STK16: variants seen among roughly 807,000 people sequenced by gnomAD.
The protein encoded by STK16 is serine/threonine kinase 16, also known as serine/threonine-protein kinase 16.
A neutral mutation model predicts 37.8 loss-of-function variants in STK16; 28 were observed. The ratio of observed to expected loss-of-function variants is 0.74; its 90% CI spans 0.55 to 1.02. The LOEUF is 1.02. STK16 is among the 50% of genes least tolerant of loss of function. STK16 has a pLI of 0.00. For missense variants in STK16, 349 were observed against 390.6 expected (o/e 0.89, Z 0.90); for synonymous variants, 134 against 155.0 (o/e 0.86, Z 1.01).
Position 219,247,265 on chromosome 2 carries a change from T to C in STK16, c.440+19T>C, listed in dbSNP as rs1951557066. On this transcript the variant is annotated intron_variant, in intron 4 of 7. Transcript: ENST00000396738. ...CCCACAGGTCAGTGGGAGGACCCTG[T>C]GTGCTTGCTGGGGCCCAGAGGAAGA... is the stretch of plus-strand genomic sequence containing the variant. 1 of 1,613,588 alleles carries C rather than the reference T, an allele frequency of 6.2e-7. No homozygotes were observed. Among genetic ancestry groups the C allele is most frequent in the Non-Finnish European group, 8.5e-7 (1 of 1,179,574 alleles).
chr2:219,247,104 G>A lies in STK16; in HGVS notation c.307-9G>A, dbSNP rs1951551781. ...AACATCTCCAACTGTAGGGAAACTT[G>A]TGTTGCAGAGAGGTACGCTGTGGAA... is the stretch of plus-strand genomic sequence containing the variant. On this transcript the variant is annotated splice_polypyrimidine_tract_variant and intron_variant, in intron 3 of 7. Coordinates refer to ENST00000396738, the MANE Select transcript of STK16 (RefSeq NM_001330213.2). The A allele has an allele frequency of 6.2e-7, 1 of 1,614,200 alleles. No homozygotes were observed. The highest frequency in any genetic ancestry group is 8.5e-7 in the Non-Finnish European group (1 of 1,180,030).
rs1395664336 is a variant in STK16, at chr2:219,246,643, C to T, written c.87-14C>T. ...AGATGACCATGGCCCTTTATTGACC[C>T]CTTTGGCCCACAGTGGGTTCAGCTA... is the stretch of plus-strand genomic sequence containing the variant. On this transcript the variant is annotated splice_polypyrimidine_tract_variant and intron_variant, in intron 2 of 7. Transcript: ENST00000396738. This position sits in a 1 kb window ranked among gnomAD's most constrained non-coding sequence, Gnocchi z 4.5. 2 of 1,610,844 alleles carry T rather than the reference C, an allele frequency of 1.2e-6. No individual in the cohort carries two copies. Among genetic ancestry groups the T allele is most frequent in the Non-Finnish European group, 1.7e-6 (2 of 1,177,190 alleles).
In STK16 at chr2:219,249,990, T is replaced by C. The variant is rs1951617771; in HGVS notation, c.*1431T>C. 4.9e-6 allele frequency: 1 copy of C among 205,152 alleles called. No homozygotes were observed. Among genetic ancestry groups the C allele is most frequent in the Admixed American group, 5.2e-5 (1 of 19,096 alleles). The allele number at this position is 205,152 out of a possible 1,614,324, so 12.7% of individuals were successfully genotyped here. ...CAGCAGGAAGAACAGGGTAGCAGTC[T>C]AACTTTCAAAGACAGAAACCACTGG... is the stretch of plus-strand genomic sequence containing the variant. On this transcript the variant is annotated 3_prime_UTR_variant, in exon 8 of 8. Transcript: ENST00000396738.
At chr2:219,247,027 G>A (rs1267216571) in intron 3 of STK16, 86 bp from the exon 4 acceptor site, 8 of 1,585,098 alleles carry the variant, frequency 5.0e-6, no homozygotes, top group Non-Finnish European at 6.9e-6. Context: ...TGAAAGGGCT[G>A]ATAGGCTTTG....
At position 219,247,519 on chromosome 2, in the gene STK16, A is replaced by G. The variant is rs1439417799; in HGVS notation, c.545A>G (p.Gln182Arg). ...QACIHVEGSR[Q>R]ALTLQDWAAQ... ...TGCATCCATGTGGAGGGCTCCCGCC[A>G]GGCTCTGACCCTGCAGGTAAAAGAG... The change falls in exon 5 of 8, where the codon CAG becomes CGG. Residue 182 changes from glutamine (Q) to arginine (R), a missense_variant. Gln to Arg is a conservative substitution (Grantham distance 43, BLOSUM62 1). Transcript: ENST00000396738. 3 of 1,614,222 alleles carry G rather than the reference A, an allele frequency of 1.9e-6. No individual in the cohort carries two copies. The highest frequency in any genetic ancestry group is 2.5e-6 in the Non-Finnish European group (3 of 1,180,028).
In STK16 at chr2:219,246,691, C is replaced by T; in HGVS notation, c.121C>T (p.His41Tyr). 6.2e-7 allele frequency: 1 copy of T among 1,614,240 alleles called. No homozygotes were observed. Among genetic ancestry groups the T allele is most frequent in the Non-Finnish European group, 8.5e-7 (1 of 1,180,046 alleles). ...FSYVDLVEGLHDGHFYALKRI... is the reference protein window; with the variant it reads ...FSYVDLVEGLYDGHFYALKRI... ...CTATGTGGACCTAGTGGAAGGGTTA[C>T]ATGATGGACACTTCTACGCCCTGAA... is the stretch of plus-strand genomic sequence containing the variant. The change falls in exon 3 of 8, where the codon CAT (histidine) becomes TAT (tyrosine). Residue 41 changes from histidine to tyrosine, a missense_variant. By Grantham distance (83) the His-to-Tyr change is moderately conservative. Coordinates refer to ENST00000396738, the MANE Select transcript of STK16 (RefSeq NM_001330213.2). The surrounding 1 kb of genome is among the most constrained non-coding windows in gnomAD (Gnocchi z 4.5).
In STK16 at chr2:219,247,542, G is replaced by T. The variant is rs368713184; in HGVS notation, c.561+7G>T. 32 of 1,614,078 alleles carry T rather than the reference G, an allele frequency of 2.0e-5. No homozygotes were observed. Among genetic ancestry groups the T allele is most frequent in the Non-Finnish European group, 2.6e-5 (31 of 1,180,038 alleles). On this transcript the variant is annotated splice_region_variant and intron_variant, in intron 5 of 7. Transcript: ENST00000396738. The stretch of plus-strand genomic sequence containing the variant: ...CCAGGCTCTGACCCTGCAGGTAAAA[G>T]AGTCTCCAGGTTCCTTTTCTCACCT...
chr2:219,247,880 A>G (rs1251637633), intron 6 of STK16, 123 bp downstream of exon 6: 2 of 947,724 alleles, frequency 2.1e-6, no homozygotes, highest in African/African-American at 1.6e-5. Flanking sequence ...GTCCCCATCC[A>G]CTTCAACTTC....
intron 3 of STK16, 67 bp from the exon 4 acceptor site, chr2:219,247,046 A>G: frequency 6.2e-7 from 1 of 1,601,872 alleles, no homozygotes; most frequent in East Asian, 2.2e-5. Flanking sequence ...TGACATAGGG[A>G]AGGGATCAGG....
In STK16 at chr2:219,248,543, A is replaced by T; in HGVS notation, c.902A>T (p.His301Leu). 1 of 1,611,594 alleles carries T rather than the reference A, an allele frequency of 6.2e-7. No homozygotes were observed. The highest frequency in any genetic ancestry group is 2.2e-5 in the East Asian group (1 of 44,862). Residue 301 changes from histidine to leucine, a missense_variant, in exon 8 of 8, where the codon CAT (histidine) becomes CTT (leucine). Physicochemically the swap from His to Leu is moderately conservative, Grantham distance 99. Transcript: ENST00000396738. ...CTTCAGCCCCCAGCTCCTGGCCAAC[A>T]TACTACCCAAATCTGAAAAAGCAGC... ...EALQPPAPGQHTTQI is the reference protein window; with the variant it reads ...EALQPPAPGQLTTQI
Position 219,246,182 on chromosome 2 carries a change from C to A in STK16, c.86+97C>A. The A allele has an allele frequency of 9.5e-7, 1 of 1,049,506 alleles. No individual in the cohort carries two copies. Among genetic ancestry groups the A allele is most frequent in the Non-Finnish European group, 1.4e-6 (1 of 704,874 alleles). 65.0% of individuals were successfully genotyped at this position (1,049,506 alleles called of 1,614,324 possible). On this transcript the variant is annotated intron_variant, in intron 2 of 7. Coordinates refer to ENST00000396738, the MANE Select transcript of STK16 (RefSeq NM_001330213.2). This position sits in a 1 kb window ranked among gnomAD's most constrained non-coding sequence, Gnocchi z 4.5. Reference sequence around the variant, plus strand: ...TGGGGCACAAGGGTTTTATCCCTATCCCTGTCCTCTCTCACCTGACAGAAC... The same window carrying A: ...TGGGGCACAAGGGTTTTATCCCTATACCTGTCCTCTCTCACCTGACAGAAC...
Position 219,246,842 on chromosome 2 carries a change from A to G in STK16, c.272A>G (p.Lys91Arg), listed in dbSNP as rs1420031161. The change falls in exon 3 of 8, where the codon AAG becomes AGG. Residue 91 changes from lysine to arginine, a missense_variant. Lys to Arg is a conservative substitution (Grantham distance 26). Coordinates refer to ENST00000396738, the MANE Select transcript of STK16 (RefSeq NM_001330213.2). This position sits in a 1 kb window ranked among gnomAD's most constrained non-coding sequence, Gnocchi z 4.5. ...TACTGTCTGAGGGAACGGGGTGCTA[A>G]GCATGAGGCCTGGCTGCTGCTACCA... Reference protein sequence around the residue: ...VAYCLRERGAKHEAWLLLPFF... With the variant: ...VAYCLRERGARHEAWLLLPFF... 1 of 1,613,658 alleles carries G rather than the reference A, an allele frequency of 6.2e-7. No homozygotes were observed. Among genetic ancestry groups the G allele is most frequent in the Non-Finnish European group, 8.5e-7 (1 of 1,179,588 alleles).
rs1951621336 is a variant in STK16, at chr2:219,250,173, G to T, written c.*1614G>T. The T allele has an allele frequency of 2.2e-6, 2 of 918,676 alleles. No individual in the cohort carries two copies. The highest frequency in any genetic ancestry group is 1.6e-5 in the South Asian group (1 of 60,696). 56.9% of individuals were successfully genotyped at this position (918,676 alleles called of 1,614,324 possible). ...GGGCCTGGCAAGAACCCCTTTGCAG[G>T]TCTCACCTTCAGCGATGGAAGGGAT... is the stretch of plus-strand genomic sequence containing the variant. On this transcript the variant is annotated 3_prime_UTR_variant, in exon 8 of 8. Transcript: ENST00000396738. The surrounding 1 kb of genome is among the most constrained non-coding windows in gnomAD (Gnocchi z 8.4).
Position 219,248,507 on chromosome 2 carries a change from A to G in STK16, c.866A>G (p.Gln289Arg). The G allele has an allele frequency of 1.9e-6, 3 of 1,614,044 alleles. No individual in the cohort carries two copies. The highest frequency in any genetic ancestry group is 2.5e-6 in the Non-Finnish European group (3 of 1,179,924). ...CCTCACATTCCTCTCCTCCTCAGTC[A>G]GCTGGAGGCGCTTCAGCCCCCAGCT... ...QRPHIPLLLS[Q>R]LEALQPPAPG... The change falls in exon 8 of 8, where the codon CAG becomes CGG. Residue 289 changes from glutamine to arginine, a missense_variant. Transcript: ENST00000396738.
rs1369380558 is a variant in STK16 at position 219,247,678 on chromosome 2, G to A, written c.578G>A (p.Arg193Gln). 3.1e-6 allele frequency: 5 copies of A among 1,611,190 alleles called. No individual in the cohort carries two copies. Among genetic ancestry groups the A allele is most frequent in the East Asian group, 2.2e-5 (1 of 44,818 alleles). Residue 193 changes from arginine to glutamine, a missense_variant, in exon 6 of 8, where the codon CGG (arginine) becomes CAG (glutamine). Arg to Gln is a conservative substitution (Grantham distance 43). Transcript: ENST00000396738. ...ALTLQDWAAQ[R>Q]CTISYRAPEL... ...CTGTTCCAGGACTGGGCAGCCCAGC[G>A]GTGCACCATCTCCTACCGAGCCCCA...
chr2:219,247,814 G>T (rs539458336), intron 6 of STK16, 57 bp downstream of exon 6: 20 of 1,496,396 alleles, frequency 1.3e-5, no homozygotes, highest in Non-Finnish European at 1.8e-5. Flanking sequence ...TGTACCCACC[G>T]TGGAGTAGAG....
Position 219,248,670 on chromosome 2 carries a change from G to C in STK16, c.*111G>C, listed in dbSNP as rs867019715. On this transcript the variant is annotated 3_prime_UTR_variant, in exon 8 of 8. Coordinates refer to ENST00000396738, the MANE Select transcript of STK16 (RefSeq NM_001330213.2). The stretch of plus-strand genomic sequence containing the variant: ...GACTTCTCTTACACTTGGGGGTAGC[G>C]GGGTCAGGACAATCATCTCAGTCCT... The C allele has an allele frequency of 7.1e-7, 1 of 1,400,838 alleles. No homozygotes were observed. Among genetic ancestry groups the C allele is most frequent in the Non-Finnish European group, 9.7e-7 (1 of 1,031,610 alleles). 86.8% of individuals were successfully genotyped at this position (1,400,838 alleles called of 1,614,324 possible).
In STK16 at chr2:219,246,769, G is replaced by GAA. The variant is rs756010846; in HGVS notation, c.200_201insAA (p.Asp67GlufsTer20). ...CCGGGAGGAGGCCCAGCGAGAAGCCGACATGCATCGCCTCTTCAATCACCC... is the reference window on the plus strand; with the variant it reads ...CCGGGAGGAGGCCCAGCGAGAAGCCGAAACATGCATCGCCTCTTCAATCACCC... On this transcript the variant is annotated frameshift_variant, in exon 3 of 8. Coordinates refer to ENST00000396738, the MANE Select transcript of STK16 (RefSeq NM_001330213.2). LOFTEE classifies it high-confidence loss of function. The surrounding 1 kb of genome is among the most constrained non-coding windows in gnomAD (Gnocchi z 4.5). 1 of 1,614,220 alleles carries GAA rather than the reference G, an allele frequency of 6.2e-7. No individual in the cohort carries two copies. The highest frequency in any genetic ancestry group is 8.5e-7 in the Non-Finnish European group (1 of 1,180,042).
Position 219,250,110 on chromosome 2 carries a change from T to C in STK16, c.*1551T>C, listed in dbSNP as rs1245943545. 1.2e-5 allele frequency: 7 copies of C among 590,788 alleles called. No individual in the cohort carries two copies. The highest frequency in any genetic ancestry group is 2.1e-5 in the Non-Finnish European group (7 of 336,410). The allele number at this position is 590,788 out of a possible 1,614,324, so 36.6% of individuals were successfully genotyped here. On this transcript the variant is annotated 3_prime_UTR_variant, in exon 8 of 8. Transcript: ENST00000396738. This position sits in a 1 kb window ranked among gnomAD's most constrained non-coding sequence, Gnocchi z 8.4. ...ATTTCCTCCCTATACTGAGTAACCC[T>C]AGGACTTCAATTTAAAGTCCCTGGG... is the stretch of plus-strand genomic sequence containing the variant.
Sources: allele counts gnomAD v4.1 joint callset, GRCh38; gene constraint gnomAD v4.1.1; non-coding constraint Gnocchi (gnomAD v3.1); transcripts MANE v1.5; gene names NCBI Gene and HGNC (gene_info 2026-07-23, HGNC 2026-07-21).